Variants in CSMD1 observed in about 807,000 individuals in gnomAD.
The protein encoded by CSMD1 is CUB and Sushi multiple domains 1.
In CSMD1, 213 loss-of-function variants were observed where a neutral mutation model predicts 417.5. That is an observed-to-expected ratio of 0.51 (90% CI 0.46 to 0.57). The LOEUF is 0.57. Among genes scored for constraint, CSMD1 ranks in the 20% least tolerant of loss-of-function variants. The pLI is 0.00. For missense variants in CSMD1, 6,923 were observed against 4,529.7 expected (o/e 1.53, Z -15.17); for synonymous variants, 2,862 against 1,736.8 (o/e 1.65, Z -16.11).
intron 26 of CSMD1, among the ~76,000 whole-genome samples, chr8:3,246,299 C>T (rs1799876254): frequency 6.6e-6 from 1 of 152,106 alleles, no homozygotes; most frequent in African/African-American, 2.4e-5. Flanking sequence ...TGGGACTTCT[C>T]ACTGGCTACA....
intron 11 of CSMD1, among the ~76,000 whole-genome samples, chr8:3,470,637 C>A (rs761310532): frequency 9.2e-5 from 14 of 152,142 alleles, no homozygotes; most frequent in African/African-American, 1.2e-4. Context: ...CTTCCAAATT[C>A]TCTGGTGCTC....
At chr8:3,927,384 C>T (rs145539144) in intron 5 of CSMD1, among the ~76,000 whole-genome samples, 1 of 151,834 alleles carries the variant, frequency 6.6e-6, no homozygotes, top group African/African-American at 2.4e-5. Flanking sequence ...GAAAACAATA[C>T]AGCCAGACAC....
At chr8:3,778,962 C>A (rs1348042511) in intron 5 of CSMD1, among the ~76,000 whole-genome samples, 1 of 152,268 alleles carries the variant, frequency 6.6e-6, no homozygotes, top group South Asian at 2.1e-4. Flanking sequence ...TCAGCCTTGG[C>A]TTGTGTTCTT....
At chr8:4,392,258 A>C (rs550419765) in intron 3 of CSMD1, among the ~76,000 whole-genome samples, 1 of 152,260 alleles carries the variant, frequency 6.6e-6, no homozygotes, top group Admixed American at 6.5e-5. Flanking sequence ...TAAACTGAAG[A>C]GTTATTTGCA....
At chr8:4,445,149 G>T (rs1202806347) in intron 2 of CSMD1, among the ~76,000 whole-genome samples, 1 of 152,094 alleles carries the variant, frequency 6.6e-6, no homozygotes, top group South Asian at 2.1e-4. Context: ...TTTAAGATTG[G>T]GTGATGGCAC....
chr8:3,235,176 G>C (rs1274412979), intron 26 of CSMD1, among the ~76,000 whole-genome samples: 2 of 152,108 alleles, frequency 1.3e-5, no homozygotes, highest in East Asian at 3.9e-4. Context: ...TTTATACAAT[G>C]AAATGAATGT....
chr8:3,951,376 G>C (rs1042513611), intron 5 of CSMD1, among the ~76,000 whole-genome samples: 3 of 152,164 alleles, frequency 2.0e-5, no homozygotes, highest in Non-Finnish European at 4.4e-5. Flanking sequence ...CAATAAGTTT[G>C]TTAATTAAAT....
intron 1 of CSMD1, among the ~76,000 whole-genome samples, chr8:4,844,048 A>G (rs754846858): frequency 1.4e-4 from 21 of 152,200 alleles, no homozygotes; most frequent in Non-Finnish European, 3.1e-4. Context: ...CACTGCATGC[A>G]TGTTAAATGC....
chr8:4,153,149 C>T (rs767722060), intron 3 of CSMD1, among the ~76,000 whole-genome samples: 6 of 152,154 alleles, frequency 3.9e-5, no homozygotes, highest in East Asian at 1.9e-4. Flanking sequence ...TGAATCTTGA[C>T]TGTGGTGACC....
intron 1 of CSMD1, among the ~76,000 whole-genome samples, chr8:4,770,179 AT>A (rs1291327734): frequency 2.7e-5 from 4 of 149,922 alleles, no homozygotes; most frequent in African/African-American, 7.3e-5. Context: ...CTATATATAA[AT>A]TTTTATATTC....
chr8:4,395,875 G>C (rs765390808), intron 3 of CSMD1, among the ~76,000 whole-genome samples: 1 of 152,122 alleles, frequency 6.6e-6, no homozygotes, highest in Non-Finnish European at 1.5e-5. Context: ...TCTTTAATTC[G>C]GTAGTGTATC....
chr8:4,077,211 G>C (rs944345043), intron 3 of CSMD1, among the ~76,000 whole-genome samples: 1 of 149,894 alleles, frequency 6.7e-6, no homozygotes, highest in Non-Finnish European at 1.5e-5. Context: ...ATCCAGATGA[G>C]AGCTCTGTGA....
At chr8:3,723,349 G>A (rs886220653) in intron 6 of CSMD1, among the ~76,000 whole-genome samples, 2 of 152,136 alleles carry the variant, frequency 1.3e-5, no homozygotes, top group Admixed American at 1.3e-4. Flanking sequence ...GGGCCGCTGA[G>A]CACCATCTCC....
At chr8:4,827,122 A>G (rs1412960537) in intron 1 of CSMD1, among the ~76,000 whole-genome samples, 1 of 152,162 alleles carries the variant, frequency 6.6e-6, no homozygotes, top group East Asian at 1.9e-4. Context: ...AAGCAGAATC[A>G]ATCAGCTAGA....
intron 3 of CSMD1, among the ~76,000 whole-genome samples, chr8:4,238,416 T>G (rs1802194728): frequency 6.6e-6 from 1 of 152,108 alleles, no homozygotes; most frequent in Admixed American, 6.6e-5. Context: ...TGGTATACCC[T>G]AGAGTCACAA....
At chr8:4,203,018 T>C (rs530299165) in intron 3 of CSMD1, among the ~76,000 whole-genome samples, 25 of 152,326 alleles carry the variant, frequency 1.6e-4, no homozygotes, top group African/African-American at 5.3e-4. Flanking sequence ...CCTGTGACTA[T>C]GTTTCCTTAC....
At chr8:4,315,095 G>A (rs1798845710) in intron 3 of CSMD1, among the ~76,000 whole-genome samples, 1 of 152,152 alleles carries the variant, frequency 6.6e-6, no homozygotes, top group African/African-American at 2.4e-5. Context: ...AGGGAGGGAA[G>A]AGGACAGGGC....
chr8:3,743,446 G>A (rs1443484286), intron 6 of CSMD1, among the ~76,000 whole-genome samples: 2 of 152,176 alleles, frequency 1.3e-5, no homozygotes, highest in African/African-American at 4.8e-5. Flanking sequence ...AGTATTATGT[G>A]GAGACTTCTG....
intron 18 of CSMD1, among the ~76,000 whole-genome samples, chr8:3,378,272 A>T (rs912964243): frequency 1.3e-5 from 2 of 152,180 alleles, no homozygotes; most frequent in Non-Finnish European, 2.9e-5. Context: ...CTACCAACTA[A>T]AAGAAGCCCA....
Sources: gnomAD v4.1 joint callset for allele counts (sites outside exome capture counted in the v4.1 genomes callset) on GRCh38, gnomAD v4.1.1 for gene constraint, MANE v1.5 for transcripts, NCBI Gene and HGNC (gene_info 2026-07-23, HGNC 2026-07-21) for gene names.